Variants in ENG observed in about 807,000 individuals in gnomAD.
ENG encodes endoglin.
A neutral mutation model predicts 71.0 loss-of-function variants in ENG; 17 were observed. The ratio of observed to expected loss-of-function variants is 0.24; its 90% CI spans 0.16 to 0.36. The LOEUF (loss-of-function observed/expected upper bound fraction) is 0.36. Among genes scored for constraint, ENG ranks in the 10% least tolerant of loss-of-function variants. ENG has a pLI of 1.00. For missense variants in ENG, 749 were observed against 868.3 expected (o/e 0.86, Z 1.73); for synonymous variants, 360 against 366.9 (o/e 0.98, Z 0.21).
In ENG at chr9:127,846,942, C is replaced by A. The variant is rs1831181222; in HGVS notation, c.68-3697G>T. 6.1e-6 allele frequency: 6 copies of A among 985,604 alleles called. No individual in the cohort carries two copies. The highest frequency in any genetic ancestry group is 6.0e-6 in the Non-Finnish European group (5 of 830,064). 61.1% of individuals were successfully genotyped at this position (985,604 alleles called of 1,614,324 possible). A position where few individuals can be genotyped will look rare whatever the true frequency, so the allele number is the denominator to read the frequency against. ...GATTTCCAGAGGGCTACCTTCAGCACCTTGGAGGATGATCAAGAAAAACAG... is the reference window on the plus strand; with the variant it reads ...GATTTCCAGAGGGCTACCTTCAGCAACTTGGAGGATGATCAAGAAAAACAG... On this transcript the variant is annotated intron_variant, in intron 1 of 14. Coordinates refer to ENST00000373203, the MANE Select transcript of ENG (RefSeq NM_001114753.3). This position sits in a 1 kb window ranked among gnomAD's most constrained non-coding sequence, Gnocchi z 5.5.
chr9:127,837,806 C>CCA (rs1830940685), intron 2 of ENG, among the ~76,000 whole-genome samples: 1 of 151,406 alleles, frequency 6.6e-6, no homozygotes, highest in African/African-American at 2.4e-5. Context: ...ATCCATCCAT[C>CCA]CATCCATCCA....
At chr9:127,817,338 C>T (rs2131874186) in intron 12 of ENG, 135 bp from the exon 13 acceptor site, 4 of 861,966 alleles carry the variant, frequency 4.6e-6, no homozygotes, top group Non-Finnish European at 7.7e-6. Context: ...AGCTGGATGC[C>T]TCTGGGTGAG....
chr9:127,833,440 GA>G (rs1830816182), intron 2 of ENG, among the ~76,000 whole-genome samples: 1 of 144,798 alleles, frequency 6.9e-6, no homozygotes, highest in African/African-American at 2.6e-5. Context: ...AGAATCGCTT[GA>G]ACCCCAGGAG....
chr9:127,847,416 T>C (rs1234149792), intron 1 of ENG, among the ~76,000 whole-genome samples: 1 of 152,126 alleles, frequency 6.6e-6, no homozygotes, highest in Non-Finnish European at 1.5e-5. Context: ...CTGTGAATAT[T>C]ATTTCATCAT....
At position 127,815,670 on chromosome 9, in the gene ENG, G is replaced by A. The variant is rs776488394; in HGVS notation, c.*12C>T. The A allele has an allele frequency of 1.5e-5, 23 of 1,553,724 alleles. No homozygotes were observed. The highest frequency in any genetic ancestry group is 1.9e-5 in the Admixed American group (1 of 53,266). ...TCAGTCTCTCCTGCTGGGCGAGCGCGGGGGGCCGGGGCTATGCCATGCTGC... is the reference window on the plus strand; with the variant it reads ...TCAGTCTCTCCTGCTGGGCGAGCGCAGGGGGCCGGGGCTATGCCATGCTGC... On this transcript the variant is annotated 3_prime_UTR_variant, in exon 15 of 15. Transcript: ENST00000373203.
chr9:127,834,363 G>C (rs746022483), intron 2 of ENG, among the ~76,000 whole-genome samples: 1 of 149,766 alleles, frequency 6.7e-6, no homozygotes, highest in African/African-American at 2.5e-5. Context: ...TCAGCCTCCC[G>C]AGCAGCTGGG....
In ENG at chr9:127,846,620, G is replaced by C. The variant is rs41384752; in HGVS notation, c.68-3375C>G. On this transcript the variant is annotated intron_variant, in intron 1 of 14. Transcript: ENST00000373203. The surrounding 1 kb of genome is among the most constrained non-coding windows in gnomAD (Gnocchi z 5.5). ...GGCCTGGCGGGGAGATCAGATAAGA[G>C]GTCCATTTATTTTGGGGCCTTTTCG... Among the ~76,000 whole-genome samples the C allele has an allele frequency of 8.7e-3, 1,322 of 152,314 alleles. 21 individuals carry two copies. The highest frequency in any genetic ancestry group is 0.031 in the African/African-American group (1,277 of 41,572).
chr9:127,833,761 A>C (rs928282957), intron 2 of ENG, among the ~76,000 whole-genome samples: 1 of 152,176 alleles, frequency 6.6e-6, no homozygotes, highest in Admixed American at 6.6e-5. Flanking sequence ...TCATCTTGCC[A>C]TTTCCCCAAC....
intron 1 of ENG, among the ~76,000 whole-genome samples, chr9:127,843,975 T>C (rs1831113062): frequency 6.7e-6 from 1 of 148,798 alleles, no homozygotes. Flanking sequence ...TTCTCCATGT[T>C]GCTCAGGTTG....
Position 127,817,156 on chromosome 9 carries a change from G to C in ENG, c.1734C>G (p.Asp578Glu), listed in dbSNP as rs374644720. The C allele has an allele frequency of 1.7e-5, 28 of 1,614,212 alleles. No individual in the cohort carries two copies. Among genetic ancestry groups the C allele is most frequent in the Non-Finnish European group, 2.4e-5 (28 of 1,180,026 alleles). The stretch of plus-strand genomic sequence containing the variant: ...GACCTGGAGGGAGCTCACCAGACAG[G>C]TCAGGGCTGATGATGTTCAAGCGCA... The part of the protein sequence containing the change: ...VFMRLNIISP[D>E]LSGCTSKGLV... Residue 578 changes from aspartate (D) to glutamate (E), a missense_variant, in exon 13 of 15, where the codon GAC becomes GAG. Physicochemically the swap from Asp to Glu is conservative, Grantham distance 45. Coordinates refer to ENST00000373203, the MANE Select transcript of ENG (RefSeq NM_001114753.3).
chr9:127,843,105 C>A lies in ENG; in HGVS notation c.208G>T (p.Glu70Ter), dbSNP rs1179814153. 6.2e-7 allele frequency: 1 copy of A among 1,614,056 alleles called. No individual in the cohort carries two copies. Reference sequence around the variant, plus strand: ...CATGGGACACTCACCGTTGGGAACTCCAGGAAGAGGACATGGACTTCAAGG... The same window carrying A: ...CATGGGACACTCACCGTTGGGAACTACAGGAAGAGGACATGGACTTCAAGG... The part of the protein sequence containing the change: ...AILEVHVLFL[E>*]FPTGPSQLEL... The change falls in exon 2 of 15, where the codon GAG (glutamate) becomes TAG (stop). Residue 70 changes from glutamate to a stop codon, truncating the protein, a stop_gained. Coordinates refer to ENST00000373203, the MANE Select transcript of ENG (RefSeq NM_001114753.3). LOFTEE classifies it high-confidence loss of function.
intron 8 of ENG, chr9:127,821,629 G>A (rs1830468165): frequency 1.3e-5 from 2 of 151,884 alleles, no homozygotes; most frequent in African/African-American, 4.8e-5. Context: ...TGTAATCCCA[G>A]CACTTTGGGA....
intron 10 of ENG, chr9:127,819,343 C>T (rs551555887): frequency 4.9e-5 from 23 of 467,268 alleles, no homozygotes; most frequent in South Asian, 1.0e-4. Context: ...CACCCTGTGG[C>T]GCAGAGTCCT....
Position 127,815,233 on chromosome 9 carries a change from G to C in ENG, c.*449C>G, listed in dbSNP as rs529337078. ...CCTGCCAGTTAGTTAGGCAAGTTCAGGTGTGGAGGCCGCAGGGATAGATCC... is the reference window on the plus strand; with the variant it reads ...CCTGCCAGTTAGTTAGGCAAGTTCACGTGTGGAGGCCGCAGGGATAGATCC... On this transcript the variant is annotated 3_prime_UTR_variant, in exon 15 of 15. Transcript: ENST00000373203. 3.8e-4 allele frequency: 62 copies of C among 162,214 alleles called. No homozygotes were observed. Among genetic ancestry groups the C allele is most frequent in the Middle Eastern group, 3.1e-3 (1 of 318 alleles). 10.0% of individuals were successfully genotyped at this position (162,214 alleles called of 1,614,324 possible). A position where few individuals can be genotyped will look rare whatever the true frequency, so the allele number is the denominator to read the frequency against.
At chr9:127,839,752 C>T (rs912617405) in intron 2 of ENG, among the ~76,000 whole-genome samples, 5 of 152,076 alleles carry the variant, frequency 3.3e-5, no homozygotes, top group Non-Finnish European at 5.9e-5. Flanking sequence ...GATGCGGTTT[C>T]GCCATGTTGG....
chr9:127,821,632 C>G (rs1053647480), intron 8 of ENG: 2 of 151,756 alleles, frequency 1.3e-5, no homozygotes, highest in African/African-American at 4.8e-5. Flanking sequence ...AATCCCAGCA[C>G]TTTGGGAGGC....
In ENG at chr9:127,836,067, G is replaced by T. The variant is rs1438971649; in HGVS notation, c.220-6240C>A. On this transcript the variant is annotated intron_variant, in intron 2 of 14. Coordinates refer to ENST00000373203, the MANE Select transcript of ENG (RefSeq NM_001114753.3). The surrounding 1 kb of genome is among the most constrained non-coding windows in gnomAD (Gnocchi z 4.0). Reference sequence around the variant, plus strand: ...TGGTTACCAGAAAAACCCAGTCAGGGTTTCTACAGCAAACATTTCCCTCCC... The same window carrying T: ...TGGTTACCAGAAAAACCCAGTCAGGTTTTCTACAGCAAACATTTCCCTCCC... 6.6e-6 allele frequency among the ~76,000 whole-genome samples: 1 copy of T among 152,174 alleles called. No homozygotes were observed. Among genetic ancestry groups the T allele is most frequent in the Non-Finnish European group, 1.5e-5 (1 of 68,022 alleles).
intron 13 of ENG, 101 bp downstream of exon 13, chr9:127,817,048 G>A (rs1830338647): frequency 7.3e-7 from 1 of 1,369,762 alleles, no homozygotes. Flanking sequence ...GGTCCCCCTT[G>A]CCATGTGCTA....
Position 127,838,063 on chromosome 9 carries a change from T to G in ENG, c.219+5031A>C, listed in dbSNP as rs1359434313. On this transcript the variant is annotated intron_variant, in intron 2 of 14. Coordinates refer to ENST00000373203, the MANE Select transcript of ENG (RefSeq NM_001114753.3). This position sits in a 1 kb window ranked among gnomAD's most constrained non-coding sequence, Gnocchi z 4.3. Reference sequence around the variant, plus strand: ...GCAAGGGTGCTCATGTGTCCACATGTGGACAGCTCAGCCCGGATACCCAAA... The same window carrying G: ...GCAAGGGTGCTCATGTGTCCACATGGGGACAGCTCAGCCCGGATACCCAAA... Among the ~76,000 whole-genome samples the G allele has an allele frequency of 6.6e-6, 1 of 152,164 alleles. No homozygotes were observed. The highest frequency in any genetic ancestry group is 1.5e-5 in the Non-Finnish European group (1 of 68,008).
Sources: gnomAD v4.1 joint callset for allele counts (sites outside exome capture counted in the v4.1 genomes callset) on GRCh38, gnomAD v4.1.1 for gene constraint, Gnocchi (gnomAD v3.1) non-coding constraint, MANE v1.5 for transcripts, NCBI Gene and HGNC (gene_info 2026-07-23, HGNC 2026-07-21) for gene names.